Variants in PHEX observed in about 807,000 individuals in gnomAD.
PHEX encodes the protein phosphate regulating endopeptidase X-linked.
PHEX carries 16 observed loss-of-function variants against 68.0 expected under a neutral mutation model. That is an observed-to-expected ratio of 0.24 (90% CI 0.16 to 0.36). PHEX has a LOEUF of 0.36. PHEX is among the 10% of genes least tolerant of loss of function. PHEX has a pLI of 1.00. For missense variants in PHEX, 480 were observed against 575.5 expected (o/e 0.83, Z 1.70); for synonymous variants, 208 against 205.1 (o/e 1.01, Z -0.12).
intron 12 of PHEX, among the ~76,000 whole-genome samples, chrX:22,165,284 AT>A (rs1203562948): frequency 9.0e-6 from 1 of 111,623 alleles, no homozygotes; most frequent in East Asian, 2.8e-4. Flanking sequence ...TGTGTAAGTG[AT>A]TCATTAAACA....
chrX:22,232,185 A>C (rs1190876615), intron 20 of PHEX, among the ~76,000 whole-genome samples: 1 of 111,164 alleles, frequency 9.0e-6, no homozygotes, highest in Non-Finnish European at 1.9e-5. Flanking sequence ...GAAGTGTTTT[A>C]CTTCCAATTA....
At chrX:22,097,359 A>G (rs1930187605) in intron 8 of PHEX, among the ~76,000 whole-genome samples, 1 of 112,092 alleles carries the variant, frequency 8.9e-6, no homozygotes, top group Non-Finnish European at 1.9e-5. Context: ...CTATCTTTCC[A>G]TCCTACTGTG....
At chrX:22,189,631 A>G (rs951011647) in intron 14 of PHEX, among the ~76,000 whole-genome samples, 2 of 112,231 alleles carry the variant, frequency 1.8e-5, no homozygotes, top group Non-Finnish European at 3.8e-5. Flanking sequence ...GATTTCATCA[A>G]TAAAATTTGT....
At chrX:22,221,775 T>C (rs1488308761) in intron 18 of PHEX, 32 bp downstream of exon 18, 1 of 1,177,982 alleles carries the variant, frequency 8.5e-7, no homozygotes, top group East Asian at 3.0e-5. Context: ...GGGGGCACCT[T>C]GTGGTTCATT....
chrX:22,055,342 G>A (rs1928052695), intron 3 of PHEX, among the ~76,000 whole-genome samples: 1 of 110,271 alleles, frequency 9.1e-6, no homozygotes. Flanking sequence ...ATAATCACAT[G>A]TACCACATAA....
intron 9 of PHEX, among the ~76,000 whole-genome samples, chrX:22,103,774 G>A (rs1431289756): frequency 2.7e-5 from 3 of 111,834 alleles, no homozygotes; most frequent in Non-Finnish European, 5.6e-5. Flanking sequence ...ACATGCATGA[G>A]CTAGTATCTT....
At chrX:22,205,650 A>T (rs1934686579) in intron 15 of PHEX, among the ~76,000 whole-genome samples, 1 of 105,587 alleles carries the variant, frequency 9.5e-6, no homozygotes, top group African/African-American at 3.5e-5. Context: ...AATTAATATT[A>T]AATTATTAAT....
chrX:22,112,732 G>A lies in PHEX; in HGVS notation c.1173+1172G>A, dbSNP rs146546710. 6.9e-3 allele frequency among the ~76,000 whole-genome samples: 760 copies of A among 110,051 alleles called. 7 individuals carry two copies. The highest frequency in any genetic ancestry group is 0.023 in the African/African-American group (706 of 30,295). On this transcript the variant is annotated intron_variant, in intron 10 of 21. Transcript: ENST00000379374. The stretch of plus-strand genomic sequence containing the variant: ...AGCCTGGCCAACGTGGTGAAACCTC[G>A]TCTCTACAAAAAATACAAAAATTAG...
rs1236355894 is a variant in PHEX at position 22,248,539 on chromosome X, G to C, written c.*586G>C. 1 of 117,562 alleles carries C rather than the reference G, an allele frequency of 8.5e-6. No homozygotes were observed. Among genetic ancestry groups the C allele is most frequent in the Admixed American group, 8.4e-5 (1 of 11,879 alleles). The allele number at this position is 117,562 out of a possible 1,213,427, so 9.7% of individuals were successfully genotyped here. A position where few individuals can be genotyped will look rare whatever the true frequency, so the allele number is the denominator to read the frequency against. On this transcript the variant is annotated 3_prime_UTR_variant, in exon 22 of 22. Transcript: ENST00000379374. ...GTTCTTGCCTTCAGCTTTGGAGTCTGTTGGAATGAAACTGTGTCTCACAGC... is the reference window on the plus strand; with the variant it reads ...GTTCTTGCCTTCAGCTTTGGAGTCTCTTGGAATGAAACTGTGTCTCACAGC...
intron 9 of PHEX, 108 bp downstream of exon 9, chrX:22,099,259 A>G (rs1294079756): frequency 3.9e-6 from 3 of 763,049 alleles, no homozygotes; most frequent in South Asian, 4.4e-5. Flanking sequence ...TGTTACATCA[A>G]AAGAGTCATA....
chrX:22,242,307 C>G (rs1004928430), intron 20 of PHEX, among the ~76,000 whole-genome samples: 2 of 111,612 alleles, frequency 1.8e-5, no homozygotes, highest in African/African-American at 6.5e-5. Context: ...TATGACAAAC[C>G]CACAGCCAAT....
chrX:22,209,162 C>T (rs186053295), intron 15 of PHEX, among the ~76,000 whole-genome samples: 250 of 111,011 alleles, frequency 2.3e-3, no homozygotes, highest in African/African-American at 7.5e-3. Flanking sequence ...TGGCTCCTGC[C>T]GCACGTGGTG....
intron 3 of PHEX, among the ~76,000 whole-genome samples, chrX:22,052,860 G>A (rs1927901520): frequency 9.0e-6 from 1 of 110,991 alleles, no homozygotes; most frequent in South Asian, 3.8e-4. Flanking sequence ...TACACTACTT[G>A]GTGACAGGTA....
intron 13 of PHEX, chrX:22,172,516 C>T (rs188613105): frequency 7.2e-5 from 8 of 111,186 alleles, no homozygotes; most frequent in Non-Finnish European, 1.5e-4. Flanking sequence ...GGAGAACTGC[C>T]ACTCCAGAGC....
intron 14 of PHEX, among the ~76,000 whole-genome samples, chrX:22,179,030 C>G (rs1933798530): frequency 8.9e-6 from 1 of 112,096 alleles, no homozygotes; most frequent in Non-Finnish European, 1.9e-5. Context: ...AAGTGCTTTA[C>G]AATTTTTAAT....
rs766411751 is a variant in PHEX, at chrX:22,094,117, A to G, written c.849+18A>G. 7.6e-6 allele frequency: 7 copies of G among 920,129 alleles called. No individual in the cohort carries two copies. The East Asian group carries it at 1.9e-4, about 25-fold the overall frequency. The allele number at this position is 920,129 out of a possible 1,213,427, so 75.8% of individuals were successfully genotyped here. A position where few individuals can be genotyped will look rare whatever the true frequency, so the allele number is the denominator to read the frequency against. On this transcript the variant is annotated intron_variant, in intron 7 of 21. Coordinates refer to ENST00000379374, the MANE Select transcript of PHEX (RefSeq NM_000444.6). ...TAGCTGAGGTAAGTCTTCACTGAAA[A>G]TCTCTTTCTTTCCTTTACTTTCTTT...
chrX:22,111,591 G>A (rs377761743), intron 10 of PHEX, 31 bp downstream of exon 10: 74 of 999,180 alleles, frequency 7.4e-5, no homozygotes, highest in Non-Finnish European at 1.0e-4. Flanking sequence ...GTGTTACATC[G>A]CTGGATAACT....
intron 14 of PHEX, among the ~76,000 whole-genome samples, chrX:22,186,956 G>A (rs2027826): frequency 0.32 from 35,814 of 111,013 alleles, 4,441 homozygotes; most frequent in African/African-American, 0.39. Context: ...TCTTTTGTAT[G>A]TATTATGATT....
intron 12 of PHEX, among the ~76,000 whole-genome samples, chrX:22,144,472 T>G (rs1932598344): frequency 9.0e-6 from 1 of 111,475 alleles, no homozygotes; most frequent in Admixed American, 9.6e-5. Flanking sequence ...CAGTTAGTAA[T>G]ATTTTATCAT....
Sources: allele counts gnomAD v4.1 joint callset (sites outside exome capture counted in the v4.1 genomes callset), GRCh38; gene constraint gnomAD v4.1.1; transcripts MANE v1.5; gene names NCBI Gene and HGNC (gene_info 2026-07-23, HGNC 2026-07-21).